LSM1: variants seen among roughly 807,000 people sequenced by gnomAD.
LSM1 encodes U6 snRNA-associated Sm-like protein LSm1.
A neutral mutation model predicts 18.0 loss-of-function variants in LSM1; 13 were observed. The observed-to-expected ratio is 0.72, with a 90% confidence interval of 0.47 to 1.15. The LOEUF is 1.15. Ranked by LOEUF, LSM1 falls within the 50% of genes most tolerant of loss-of-function variation. The pLI, the probability that LSM1 is intolerant of heterozygous loss-of-function variation, is 0.00. For missense variants in LSM1, 152 were observed against 157.7 expected, an observed-to-expected ratio of 0.96 and a Z score of 0.19; for synonymous variants, 46 against 56.0, an observed-to-expected ratio of 0.82 and a Z score of 0.80.
intron 1 of LSM1, among the ~76,000 whole-genome samples, chr8:38,172,494 A>C (rs911493609): frequency 6.6e-6 from 1 of 151,702 alleles, no homozygotes; most frequent in Non-Finnish European, 1.5e-5. Context: ...GCTAATTTTC[A>C]TATTTTTAGT....
chr8:38,176,518 G>A (rs781466791), upstream of LSM1: 8 of 581,322 alleles, frequency 1.4e-5, no homozygotes, highest in Non-Finnish European at 2.1e-5. Context: ...CCTGTAACAC[G>A]TGTGGGCCCC....
Position 38,163,598 on chromosome 8 carries a change from G to A in LSM1, c.*72C>T. On this transcript the variant is annotated 3_prime_UTR_variant, in exon 4 of 4. Coordinates refer to ENST00000311351, the MANE Select transcript of LSM1 (RefSeq NM_014462.3). Reference sequence around the variant, plus strand: ...CTACAGTCTGTGATCAAATGCGTGAGGTGGCCAGGATGTCACTTTCACTCA... The same window carrying A: ...CTACAGTCTGTGATCAAATGCGTGAAGTGGCCAGGATGTCACTTTCACTCA... 1 of 1,353,332 alleles carries A rather than the reference G, an allele frequency of 7.4e-7. No individual in the cohort carries two copies. Among genetic ancestry groups the A allele is most frequent in the Admixed American group, 1.9e-5 (1 of 52,808 alleles). The allele number at this position is 1,353,332 out of a possible 1,614,324, so 83.8% of individuals were successfully genotyped here. A position where few individuals can be genotyped will look rare whatever the true frequency, so the allele number is the denominator to read the frequency against.
chr8:38,174,764 T>C (rs1262275674), intron 1 of LSM1, among the ~76,000 whole-genome samples: 1 of 152,060 alleles, frequency 6.6e-6, no homozygotes, highest in Non-Finnish European at 1.5e-5. Context: ...GGCTCACGCC[T>C]GTAATCCCAG....
At chr8:38,168,609 C>T (rs984338468) in intron 3 of LSM1, among the ~76,000 whole-genome samples, 2 of 148,410 alleles carry the variant, frequency 1.3e-5, no homozygotes, top group Admixed American at 6.7e-5. Context: ...AAAAAAAACC[C>T]AAAAAACAAA....
At chr8:38,169,022 A>G (rs1802983199) in intron 3 of LSM1, among the ~76,000 whole-genome samples, 1 of 152,238 alleles carries the variant, frequency 6.6e-6, no homozygotes, top group Non-Finnish European at 1.5e-5. Context: ...TTAAAAATTA[A>G]GCAAACACCA....
At chr8:38,171,375 CT>C (rs1803027442) in intron 2 of LSM1, among the ~76,000 whole-genome samples, 1 of 152,188 alleles carries the variant, frequency 6.6e-6, no homozygotes, top group Admixed American at 6.5e-5. Context: ...GACTCACCTT[CT>C]AGACACCAAG....
At chr8:38,170,234 TCAC>T (rs2130643899) in intron 2 of LSM1, among the ~76,000 whole-genome samples, 1 of 152,252 alleles carries the variant, frequency 6.6e-6, no homozygotes, top group Admixed American at 6.5e-5. Flanking sequence ...GAGACAGGGA[TCAC>T]CACATTGGCC....
intron 2 of LSM1, among the ~76,000 whole-genome samples, chr8:38,170,373 A>G (rs1803005632): frequency 6.6e-6 from 1 of 152,196 alleles, no homozygotes; most frequent in Non-Finnish European, 1.5e-5. Flanking sequence ...CTAAAATTTC[A>G]AATAATCTTC....
intron 3 of LSM1, among the ~76,000 whole-genome samples, chr8:38,168,780 ATTCATATATTTCATATAC>A (rs1585639691): frequency 6.6e-6 from 1 of 152,070 alleles, no homozygotes; most frequent in African/African-American, 2.4e-5. Flanking sequence ...TATTTCATAT[ATTCATATATTTCATATAC>A]TTCATATATT....
At chr8:38,168,469 T>A (rs1163856312) in intron 3 of LSM1, among the ~76,000 whole-genome samples, 1 of 151,000 alleles carries the variant, frequency 6.6e-6, no homozygotes, top group Non-Finnish European at 1.5e-5. Flanking sequence ...CGGGCACCTG[T>A]AATCCCAGCT....
At chr8:38,176,141 G>A (rs922172721) in intron 1 of LSM1, 134 bp downstream of exon 1, 2 of 676,112 alleles carry the variant, frequency 3.0e-6, no homozygotes, top group East Asian at 2.8e-5. Flanking sequence ...GGACATCGAC[G>A]CGGAACGCCC....
chr8:38,167,840 G>T (rs920624093), intron 3 of LSM1, among the ~76,000 whole-genome samples: 1 of 152,058 alleles, frequency 6.6e-6, no homozygotes, highest in Non-Finnish European at 1.5e-5. Context: ...CCTAAGCCTA[G>T]GAGTTTGAAT....
At position 38,163,686 on chromosome 8, in the gene LSM1, G is replaced by T; in HGVS notation, c.386C>A (p.Thr129Asn). The T allele has an allele frequency of 6.2e-7, 1 of 1,614,170 alleles. No individual in the cohort carries two copies. The highest frequency in any genetic ancestry group is 1.7e-4 in the Middle Eastern group (1 of 6,058). ...DRGLSIPRADTLDEY is the reference protein window; with the variant it reads ...DRGLSIPRADNLDEY Reference sequence around the variant, plus strand: ...GGCAAAAGATTAGTACTCATCAAGAGTATCTGCTCGAGGAATGGAAAGACC... The same window carrying T: ...GGCAAAAGATTAGTACTCATCAAGATTATCTGCTCGAGGAATGGAAAGACC... The change falls in exon 4 of 4, where the codon ACT becomes AAT. Residue 129 changes from threonine to asparagine, a missense_variant. Thr to Asn is a moderately conservative substitution (Grantham distance 65, BLOSUM62 0). Transcript: ENST00000311351.
At chr8:38,163,944 A>T in intron 3 of LSM1, 104 bp from the exon 4 acceptor site, 1 of 1,016,776 alleles carries the variant, frequency 9.8e-7, no homozygotes, top group Non-Finnish European at 1.5e-6. Flanking sequence ...TATTTTTCAT[A>T]ACTGTGACAG....
At chr8:38,165,750 G>A (rs1025719261) in intron 3 of LSM1, among the ~76,000 whole-genome samples, 2 of 151,344 alleles carry the variant, frequency 1.3e-5, no homozygotes, top group Admixed American at 6.6e-5. Context: ...GCGTGGTAAC[G>A]TGTACCTATA....
At chr8:38,171,426 G>T (rs2130645292) in intron 2 of LSM1, among the ~76,000 whole-genome samples, 1 of 152,334 alleles carries the variant, frequency 6.6e-6, no homozygotes, top group South Asian at 2.1e-4. Flanking sequence ...CAACTGCCCA[G>T]CTCAGCTGGG....
At chr8:38,169,200 G>GGT (rs137891613) in intron 3 of LSM1, among the ~76,000 whole-genome samples, 1 of 151,782 alleles carries the variant, frequency 6.6e-6, no homozygotes, top group East Asian at 1.9e-4. Context: ...TTCTAGTAGG[G>GGT]GTGTGTGTGT....
At chr8:38,166,752 C>G (rs1802937974) in intron 3 of LSM1, among the ~76,000 whole-genome samples, 1 of 152,200 alleles carries the variant, frequency 6.6e-6, no homozygotes, top group Non-Finnish European at 1.5e-5. Flanking sequence ...CATAAGCAAG[C>G]CCTGCTCTAG....
chr8:38,174,908 C>T (rs1314001338), intron 1 of LSM1, among the ~76,000 whole-genome samples: 2 of 150,614 alleles, frequency 1.3e-5, no homozygotes, highest in East Asian at 2.0e-4. Flanking sequence ...CCTGTAATCC[C>T]AGTTACTTGG....
Sources: gnomAD v4.1 joint callset for allele counts (sites outside exome capture counted in the v4.1 genomes callset) on GRCh38, gnomAD v4.1.1 for gene constraint, MANE v1.5 for transcripts, NCBI Gene and HGNC (gene_info 2026-07-23, HGNC 2026-07-21) for gene names.